PTPRO: variants seen among roughly 807,000 people sequenced by gnomAD.
PTPRO encodes receptor-type tyrosine-protein phosphatase O.
In PTPRO, 62 loss-of-function variants were observed where a neutral mutation model predicts 145.2. That is an observed-to-expected ratio of 0.43 (90% CI 0.35 to 0.53). PTPRO has a LOEUF of 0.53. PTPRO is among the 20% of genes least tolerant of loss of function. The probability of loss-of-function intolerance (pLI) is 0.01; values close to 1 mark genes in which losing one functional copy is unlikely to be tolerated. For synonymous variants in PTPRO, 565 were observed against 514.7 expected, an observed-to-expected ratio of 1.10 and a Z score of -1.32; for missense variants, 1,345 against 1,482.7, an observed-to-expected ratio of 0.91 and a Z score of 1.53.
At chr12:15,389,676 C>T (rs1939135029) in intron 1 of PTPRO, among the ~76,000 whole-genome samples, 1 of 152,206 alleles carries the variant, frequency 6.6e-6, no homozygotes, top group African/African-American at 2.4e-5. Flanking sequence ...TAAATCTAGA[C>T]TTCTAATGCC....
chr12:15,454,605 G>A (rs1941127769), intron 1 of PTPRO, among the ~76,000 whole-genome samples: 3 of 152,054 alleles, frequency 2.0e-5, no homozygotes, highest in Admixed American at 2.0e-4. Flanking sequence ...TGTTGTCTAT[G>A]TTTCCTTGTG....
chr12:15,322,550 C>T lies in PTPRO; in HGVS notation c.-177C>T. The stretch of plus-strand genomic sequence containing the variant: ...AGCGCCTGGCACGTTCTTGGAGGAC[C>T]CCGGGCGCAGAGGAGGAAAGGGAGC... On this transcript the variant is annotated 5_prime_UTR_variant, in exon 1 of 27. Transcript: ENST00000281171. This position sits in a 1 kb window ranked among gnomAD's most constrained non-coding sequence, Gnocchi z 6.3. 1 of 672,220 alleles carries T rather than the reference C, an allele frequency of 1.5e-6. No homozygotes were observed. The highest frequency in any genetic ancestry group is 1.6e-5 in the South Asian group (1 of 62,458). The allele number at this position is 672,220 out of a possible 1,614,324, so 41.6% of individuals were successfully genotyped here.
At chr12:15,358,487 C>T (rs1040158051) in intron 1 of PTPRO, among the ~76,000 whole-genome samples, 3 of 152,168 alleles carry the variant, frequency 2.0e-5, no homozygotes, top group Non-Finnish European at 4.4e-5. Context: ...AACTCCCCCA[C>T]GTCTCTATGC....
chr12:15,359,646 C>T (rs895653903), intron 1 of PTPRO, among the ~76,000 whole-genome samples: 3 of 151,872 alleles, frequency 2.0e-5, no homozygotes, highest in Non-Finnish European at 4.4e-5. Context: ...CTTGAACAAA[C>T]TCTTGTGTGC....
chr12:15,408,424 CGTTGTTGTT>C (rs760941723), intron 1 of PTPRO, among the ~76,000 whole-genome samples: 5 of 151,608 alleles, frequency 3.3e-5, no homozygotes, highest in Non-Finnish European at 5.9e-5. Context: ...TTTTTGTTTT[CGTTGTTGTT>C]GTTGTTGTTG....
intron 1 of PTPRO, among the ~76,000 whole-genome samples, chr12:15,364,023 C>T (rs1253643862): frequency 6.6e-6 from 1 of 152,178 alleles, no homozygotes; most frequent in Non-Finnish European, 1.5e-5. Flanking sequence ...ATCCATTTAA[C>T]TTATGTCACA....
At chr12:15,433,899 C>T (rs576418649) in intron 1 of PTPRO, among the ~76,000 whole-genome samples, 112 of 152,112 alleles carry the variant, frequency 7.4e-4, no homozygotes, top group African/African-American at 2.5e-3. Context: ...TGAAAAATGC[C>T]GTTGGTAGTT....
At chr12:15,427,805 G>A (rs1427311727) in intron 1 of PTPRO, among the ~76,000 whole-genome samples, 1 of 136,528 alleles carries the variant, frequency 7.3e-6, no homozygotes, top group Non-Finnish European at 1.6e-5. Flanking sequence ...ATAGCAATTT[G>A]TTCTTGCTTT....
chr12:15,481,043 G>C (rs1200744625), intron 1 of PTPRO, among the ~76,000 whole-genome samples: 5 of 152,204 alleles, frequency 3.3e-5, no homozygotes, highest in Admixed American at 1.3e-4. Flanking sequence ...AGAAAGAAAA[G>C]AGTAATGGAT....
intron 2 of PTPRO, among the ~76,000 whole-genome samples, chr12:15,489,405 CTATTGAT>C (rs746967348): frequency 9.2e-5 from 14 of 152,152 alleles, no homozygotes; most frequent in Non-Finnish European, 1.8e-4. Context: ...TTATGTTTAT[CTATTGAT>C]TACATCCTTA....
intron 1 of PTPRO, among the ~76,000 whole-genome samples, chr12:15,470,718 A>G (rs1941519384): frequency 6.6e-6 from 1 of 152,210 alleles, no homozygotes. Flanking sequence ...CTTATTTTAA[A>G]TTAATGCTTA....
chr12:15,549,406 T>C (rs1193712164), intron 14 of PTPRO, among the ~76,000 whole-genome samples, 180 bp downstream of exon 14: 1 of 152,122 alleles, frequency 6.6e-6, no homozygotes, highest in Non-Finnish European at 1.5e-5. Context: ...GCCTCTGAGC[T>C]TTTCTTTCAT....
intron 12 of PTPRO, among the ~76,000 whole-genome samples, chr12:15,532,973 T>C (rs1211021828): frequency 6.6e-6 from 1 of 152,178 alleles, no homozygotes; most frequent in Non-Finnish European, 1.5e-5. Flanking sequence ...TCAGAGGTGG[T>C]CTTATCAAAG....
chr12:15,444,554 A>G (rs1000344479), intron 1 of PTPRO, among the ~76,000 whole-genome samples: 4 of 152,138 alleles, frequency 2.6e-5, no homozygotes, highest in African/African-American at 9.7e-5. Context: ...TTTGTTACAT[A>G]TAACGCCATA....
At chr12:15,509,237 G>A (rs1942385873) in intron 7 of PTPRO, among the ~76,000 whole-genome samples, 1 of 152,128 alleles carries the variant, frequency 6.6e-6, no homozygotes, top group African/African-American at 2.4e-5. Context: ...AGAGGATTTG[G>A]AAACTGGTTG....
chr12:15,523,465 T>G (rs932200474), intron 10 of PTPRO, among the ~76,000 whole-genome samples: 2 of 152,178 alleles, frequency 1.3e-5, no homozygotes, highest in Non-Finnish European at 2.9e-5. Context: ...CGTTGGCAAA[T>G]TTTTTATTTT....
intron 25 of PTPRO, among the ~76,000 whole-genome samples, chr12:15,590,121 TGAA>T: frequency 6.6e-6 from 1 of 152,308 alleles, no homozygotes; most frequent in South Asian, 2.1e-4. Flanking sequence ...ATCTCAATGA[TGAA>T]GATTTATTAT....
In PTPRO at chr12:15,557,458, G is replaced by A; in HGVS notation, c.2562G>A (p.Glu854=). Residue 854 remains glutamate (E), a synonymous_variant, in exon 16 of 27, where the codon GAG becomes GAA. Transcript: ENST00000281171. ...LRKKHLQMAR[E]CGAGTFVNFA... Reference sequence around the variant, plus strand: ...TTTTGTGGTTCCTTTAAAACAGGGAGTGTGGAGCTGGTACATTTGTCAATT... The same window carrying A: ...TTTTGTGGTTCCTTTAAAACAGGGAATGTGGAGCTGGTACATTTGTCAATT... The A allele has an allele frequency of 1.2e-6, 2 of 1,613,706 alleles. No individual in the cohort carries two copies. The highest frequency in any genetic ancestry group is 1.7e-6 in the Non-Finnish European group (2 of 1,179,634).
intron 1 of PTPRO, among the ~76,000 whole-genome samples, chr12:15,425,961 G>C: frequency 6.6e-6 from 1 of 151,716 alleles, no homozygotes; most frequent in East Asian, 1.9e-4. Context: ...TGTTTTGGTG[G>C]AGTAGATTAA....
Sources: gnomAD v4.1 joint callset for allele counts (sites outside exome capture counted in the v4.1 genomes callset) on GRCh38, gnomAD v4.1.1 for gene constraint, Gnocchi (gnomAD v3.1) non-coding constraint, MANE v1.5 for transcripts, NCBI Gene and HGNC (gene_info 2026-07-23, HGNC 2026-07-21) for gene names.